Variants in AFP observed in about 807,000 individuals in gnomAD.
AFP encodes the protein alpha fetoprotein.
AFP carries 64 observed loss-of-function variants against 78.9 expected under a neutral mutation model. The observed-to-expected ratio is 0.81, with a 90% CI of 0.66 to 1.00. The LOEUF (loss-of-function observed/expected upper bound fraction) is 1.00. Among genes scored for constraint, AFP ranks in the 50% least tolerant of loss-of-function variants. The pLI is 0.00. For synonymous variants in AFP, 254 were observed against 243.8 expected, an observed-to-expected ratio of 1.04 and a Z score of -0.39; for missense variants, 689 against 703.8, an observed-to-expected ratio of 0.98 and a Z score of 0.24.
intron 3 of AFP, 82 bp from the exon 4 acceptor site, chr4:73,440,520 C>A: frequency 1.8e-6 from 2 of 1,117,446 alleles, no homozygotes; most frequent in African/African-American, 1.6e-5. Flanking sequence ...TGATTTTAGA[C>A]ATTAGAAAAT....
intron 2 of AFP, 23 bp from the exon 3 acceptor site, chr4:73,438,151 A>T: frequency 6.2e-7 from 1 of 1,612,888 alleles, no homozygotes; most frequent in South Asian, 1.1e-5. Context: ...TTCCTTAAGG[A>T]TTCACACGTA....
chr4:73,449,340 T>A lies in AFP; in HGVS notation c.1064T>A (p.Val355Asp). 6.2e-7 allele frequency: 1 copy of A among 1,612,948 alleles called. No homozygotes were observed. Among genetic ancestry groups the A allele is most frequent in the Middle Eastern group, 1.7e-4 (1 of 6,058 alleles). Residue 355 changes from valine to aspartate, a missense_variant, in exon 9 of 15, where the codon GTT (valine) becomes GAT (aspartate). Val to Asp is a radical substitution (Grantham distance 152, BLOSUM62 -3). Transcript: ENST00000395792. ...TTTTTCTCCACATATTTCAGTTTTG[T>A]TCATGAATATTCAAGAAGACATCCT... is the stretch of plus-strand genomic sequence containing the variant. ...GEKNIFLASF[V>D]HEYSRRHPQL...
intron 3 of AFP, among the ~76,000 whole-genome samples, chr4:73,439,589 C>T (rs974790307): frequency 6.6e-6 from 1 of 152,082 alleles, no homozygotes; most frequent in East Asian, 1.9e-4. Flanking sequence ...CTTACGTAAG[C>T]CTTCCAGGAT....
At chr4:73,444,723 A>G (rs986571527) in intron 6 of AFP, among the ~76,000 whole-genome samples, 5 of 152,234 alleles carry the variant, frequency 3.3e-5, no homozygotes, top group Non-Finnish European at 7.3e-5. Flanking sequence ...TGAATGGCAA[A>G]AATAATTTAC....
rs563806787 is a variant in AFP, at chr4:73,438,356, C to T, written c.270+50C>T. The T allele has an allele frequency of 5.1e-6, 8 of 1,563,970 alleles. No homozygotes were observed. The South Asian group carries it at 9.3e-5, about 18-fold the overall frequency. ...ATTGTGATATTTGACAAAAATTTAG[C>T]ATGCTGAAGAGAAGATACAAAAATA... is the stretch of plus-strand genomic sequence containing the variant. On this transcript the variant is annotated intron_variant, in intron 3 of 14. Coordinates refer to ENST00000395792, the MANE Select transcript of AFP (RefSeq NM_001134.3).
intron 5 of AFP, among the ~76,000 whole-genome samples, chr4:73,443,073 A>G (rs891955531): frequency 2.0e-5 from 3 of 152,178 alleles, no homozygotes; most frequent in African/African-American, 7.2e-5. Flanking sequence ...GTTTAAAGGT[A>G]CAGTTGTTCA....
chr4:73,442,433 C>T lies in AFP; in HGVS notation c.615+5C>T. The T allele has an allele frequency of 6.2e-7, 1 of 1,613,914 alleles. No homozygotes were observed. The highest frequency in any genetic ancestry group is 1.1e-5 in the South Asian group (1 of 91,082). The stretch of plus-strand genomic sequence containing the variant: ...GTTGAATGCTTCCAAACAAAGGTAT[C>T]ATATTTGCGTGGATATCTGAACCAG... On this transcript the variant is annotated splice_donor_5th_base_variant and intron_variant, in intron 5 of 14. Coordinates refer to ENST00000395792, the MANE Select transcript of AFP (RefSeq NM_001134.3).
chr4:73,454,312 C>T (rs996769437), intron 13 of AFP, among the ~76,000 whole-genome samples: 7 of 151,934 alleles, frequency 4.6e-5, no homozygotes, highest in Non-Finnish European at 1.0e-4. Context: ...CATTTAGAAG[C>T]TTGCTTTTGT....
intron 4 of AFP, among the ~76,000 whole-genome samples, chr4:73,441,311 A>G (rs544752508): frequency 6.6e-6 from 1 of 152,200 alleles, no homozygotes; most frequent in South Asian, 2.1e-4. Flanking sequence ...TCACGCTTGT[A>G]ATCCCAGCAC....
At position 73,449,237 on chromosome 4, in the gene AFP, T is replaced by C; in HGVS notation, c.1059-98T>C. 2.4e-5 allele frequency: 26 copies of C among 1,102,658 alleles called. No individual in the cohort carries two copies. In the South Asian group the frequency reaches 3.7e-4, roughly 16 times the overall value. The allele number at this position is 1,102,658 out of a possible 1,614,324, so 68.3% of individuals were successfully genotyped here. ...TCAGGTTTATTTATTTGAATTTAACTTCCACATGCCATATTATATAGGAAT... is the reference window on the plus strand; with the variant it reads ...TCAGGTTTATTTATTTGAATTTAACCTCCACATGCCATATTATATAGGAAT... On this transcript the variant is annotated intron_variant, in intron 8 of 14. Coordinates refer to ENST00000395792, the MANE Select transcript of AFP (RefSeq NM_001134.3).
chr4:73,448,983 G>T (rs1180557056), intron 8 of AFP, among the ~76,000 whole-genome samples: 2 of 151,982 alleles, frequency 1.3e-5, no homozygotes, highest in African/African-American at 2.4e-5. Flanking sequence ...CTTTTCAGAG[G>T]GCAGGTATTT....
At position 73,437,247 on chromosome 4, in the gene AFP, T is replaced by C. The variant is rs373562505; in HGVS notation, c.137+36T>C. 25 of 1,523,712 alleles carry C rather than the reference T, an allele frequency of 1.6e-5. No individual in the cohort carries two copies. In the African/African-American group the frequency reaches 3.2e-4, roughly 19 times the overall value. The allele number at this position is 1,523,712 out of a possible 1,614,324, so 94.4% of individuals were successfully genotyped here. ...CTTATATAAATGTACTTTAAATGTG[T>C]AAAGCAAGGATAAGTAAATACTTAA... On this transcript the variant is annotated intron_variant, in intron 2 of 14. Coordinates refer to ENST00000395792, the MANE Select transcript of AFP (RefSeq NM_001134.3).
rs1231809523 is a variant in AFP, at chr4:73,447,775, A to G, written c.1058+99A>G. The G allele has an allele frequency of 3.0e-6, 3 of 1,011,888 alleles. No individual in the cohort carries two copies. In the Admixed American group the frequency reaches 6.0e-5, roughly 20 times the overall value. 62.7% of individuals were successfully genotyped at this position (1,011,888 alleles called of 1,614,324 possible). ...TGGAGAGTGATGATTATGGTTTTTG[A>G]GTTCAATATGTGAGGATATTTGGCT... On this transcript the variant is annotated intron_variant, in intron 8 of 14. Transcript: ENST00000395792.
intron 5 of AFP, 102 bp downstream of exon 5, chr4:73,442,530 GT>G: frequency 3.6e-6 from 5 of 1,397,210 alleles, no homozygotes; most frequent in Non-Finnish European, 3.0e-6. Flanking sequence ...GGAGAGTATC[GT>G]TTTTGGAATA....
chr4:73,440,024 A>G (rs1436839272), intron 3 of AFP, among the ~76,000 whole-genome samples: 1 of 152,098 alleles, frequency 6.6e-6, no homozygotes, highest in Non-Finnish European at 1.5e-5. Flanking sequence ...AGAATCATGA[A>G]AATATTATTT....
Position 73,447,652 on chromosome 4 carries a change from G to A in AFP, c.1034G>A (p.Gly345Glu), listed in dbSNP as rs940633267. 14 of 1,610,928 alleles carry A rather than the reference G, an allele frequency of 8.7e-6. No homozygotes were observed. The Admixed American group carries it at 1.2e-4, about 13-fold the overall frequency. The change falls in exon 8 of 15, where the codon GGG becomes GAG. Residue 345 changes from glycine to glutamate, a missense_variant. Physicochemically the swap from Gly to Glu is moderately conservative, Grantham distance 98 (BLOSUM62 -2). Coordinates refer to ENST00000395792, the MANE Select transcript of AFP (RefSeq NM_001134.3). ...AGAGATTTTAACCAATTTTCTTCAG[G>A]GGAAAAAAATATCTTCTTGGCAAGG... ...GDRDFNQFSS[G>E]EKNIFLASFV...
At chr4:73,448,734 C>G (rs1235078743) in intron 8 of AFP, among the ~76,000 whole-genome samples, 1 of 152,132 alleles carries the variant, frequency 6.6e-6, no homozygotes, top group Non-Finnish European at 1.5e-5. Context: ...AGAATTTTCT[C>G]AGCCAGGAAT....
intron 7 of AFP, among the ~76,000 whole-genome samples, chr4:73,446,993 G>T (rs144908584): frequency 0.027 from 4,060 of 152,120 alleles, 65 homozygotes; most frequent in South Asian, 0.064. Flanking sequence ...CACTCTATTT[G>T]CCTTTAAGGG....
At chr4:73,439,949 AT>A (rs1719613109) in intron 3 of AFP, among the ~76,000 whole-genome samples, 5 of 151,324 alleles carry the variant, frequency 3.3e-5, no homozygotes, top group African/African-American at 4.9e-5. Flanking sequence ...ATATGTATAT[AT>A]ATGTATGTAT....
Sources: allele counts gnomAD v4.1 joint callset (sites outside exome capture counted in the v4.1 genomes callset), GRCh38; gene constraint gnomAD v4.1.1; transcripts MANE v1.5; gene names NCBI Gene and HGNC (gene_info 2026-07-23, HGNC 2026-07-21).